ZNF544: variants seen among roughly 807,000 people sequenced by gnomAD.
ZNF544 encodes the protein zinc finger protein AF020591.
In ZNF544, 10 loss-of-function variants were observed where a neutral mutation model predicts 13.5. The observed-to-expected ratio is 0.74, with a 90% CI of 0.46 to 1.25. The LOEUF (loss-of-function observed/expected upper bound fraction) is 1.25. ZNF544 is among the 50% of genes most tolerant of loss of function. The pLI, the probability that ZNF544 is intolerant of heterozygous loss-of-function variation, is 0.00. For missense variants in ZNF544, 896 were observed against 845.6 expected (o/e 1.06, Z -0.74); for synonymous variants, 323 against 300.5 (o/e 1.07, Z -0.77).
chr19:58,230,550 G>A (rs80293960), intron 3 of ZNF544, 88 bp downstream of exon 3: 1,898 of 152,640 alleles, frequency 0.012, 11 homozygotes, highest in Non-Finnish European at 0.018. Context: ...GAAGGACAGG[G>A]TTAGAGAGCA....
At chr19:58,259,998 C>T (rs923940154) in intron 6 of ZNF544, among the ~76,000 whole-genome samples, 1 of 152,130 alleles carries the variant, frequency 6.6e-6, no homozygotes, top group African/African-American at 2.4e-5. Context: ...TTTGGGAGGC[C>T]AGTCGGGGAG....
chr19:58,228,966 G>A lies in ZNF544; in HGVS notation c.-232+20G>A, dbSNP rs569749935. The stretch of plus-strand genomic sequence containing the variant: ...GTGCAGGTGAGTCTGGCGGCCTCAA[G>A]GTTGGCTCGGAGGTTTCACTGTTAG... On this transcript the variant is annotated intron_variant, in intron 1 of 6. Transcript: ENST00000687789. 70 of 152,462 alleles carry A rather than the reference G, an allele frequency of 4.6e-4. No homozygotes were observed. Among genetic ancestry groups the A allele is most frequent in the African/African-American group, 1.5e-3 (63 of 41,592 alleles). 9.4% of individuals were successfully genotyped at this position (152,462 alleles called of 1,614,324 possible).
chr19:58,259,634 C>T (rs1413125588), intron 6 of ZNF544: 1 of 152,282 alleles, frequency 6.6e-6, no homozygotes, highest in Non-Finnish European at 1.5e-5. Flanking sequence ...CTTCAGATAT[C>T]TTCTGCTGTG....
intron 3 of ZNF544, chr19:58,242,433 C>A: frequency 4.5e-6 from 1 of 222,636 alleles, no homozygotes; most frequent in Non-Finnish European, 7.5e-6. Context: ...AAAATGCCAG[C>A]GTTCAAACCT....
At chr19:58,258,494 A>G (rs1444684341) in intron 6 of ZNF544, 1 of 84,708 alleles carries the variant, frequency 1.2e-5, no homozygotes, top group African/African-American at 6.4e-5. Context: ...GTGCGAGGGC[A>G]CCAGGTGTGA....
intron 6 of ZNF544, chr19:58,259,540 TG>T (rs2048429440): frequency 6.6e-6 from 1 of 152,252 alleles, no homozygotes; most frequent in Non-Finnish European, 1.5e-5. Flanking sequence ...GGTGTTGATA[TG>T]GTTGTGCTCC....
rs182807626 is a variant in ZNF544, at chr19:58,245,181, C to A, written c.34-1120C>A. ...TTTCGAACTCCTGACCTCAAGTAAT[C>A]CACCCATCTCGGCCTCCCAAAGTGT... On this transcript the variant is annotated intron_variant, in intron 4 of 6. Transcript: ENST00000687789. Among the ~76,000 whole-genome samples the A allele has an allele frequency of 7.2e-3, 1,078 of 150,354 alleles. 4 individuals carry two copies. The highest frequency in any genetic ancestry group is 0.012 in the Non-Finnish European group (797 of 67,500).
intron 5 of ZNF544, among the ~76,000 whole-genome samples, chr19:58,275,309 C>G (rs1258853805): frequency 6.6e-6 from 1 of 152,010 alleles, no homozygotes; most frequent in East Asian, 1.9e-4. Flanking sequence ...ACCTGGACAC[C>G]AACTGGCACT....
chr19:58,231,543 C>T (rs2041223750), intron 3 of ZNF544, among the ~76,000 whole-genome samples: 1 of 152,002 alleles, frequency 6.6e-6, no homozygotes, highest in African/African-American at 2.4e-5. Context: ...ATCATAGGCC[C>T]CGGTGTGTTT....
rs994454430 is a variant in ZNF544 at position 58,260,096 on chromosome 19, A to G, written c.245-755A>G. Among the ~76,000 whole-genome samples, 4 of 152,296 alleles carry G rather than the reference A, an allele frequency of 2.6e-5. No individual in the cohort carries two copies. In the South Asian group the frequency reaches 8.3e-4, roughly 32 times the overall value. ...TTCAACAGAGCAAGATCCTGACTGT[A>G]GAAAACTAAGTAAATAATAATAATA... On this transcript the variant is annotated intron_variant, in intron 6 of 6. Transcript: ENST00000687789.
intron 6 of ZNF544, chr19:58,258,457 C>CTGGGTGT (rs2048100579): frequency 2.0e-5 from 1 of 50,274 alleles, no homozygotes; most frequent in African/African-American, 9.8e-5. Flanking sequence ...GTGCTGGGTG[C>CTGGGTGT]GAGGGCACCA....
At chr19:58,251,958 A>T (rs1455119476) in intron 6 of ZNF544, among the ~76,000 whole-genome samples, 1 of 152,206 alleles carries the variant, frequency 6.6e-6, no homozygotes, top group East Asian at 1.9e-4. Context: ...ATCACTTTGG[A>T]GGCTTTGAGG....
In ZNF544 at chr19:58,261,441, T is replaced by C; in HGVS notation, c.835T>C (p.Phe279Leu). The C allele has an allele frequency of 6.2e-7, 1 of 1,614,244 alleles. No individual in the cohort carries two copies. Among genetic ancestry groups the C allele is most frequent in the East Asian group, 2.2e-5 (1 of 44,892 alleles). The change falls in exon 7 of 7, where the codon TTC becomes CTC. Residue 279 changes from phenylalanine to leucine, a missense_variant. Phe to Leu is a conservative substitution (Grantham distance 22). Coordinates refer to ENST00000687789, the MANE Select transcript of ZNF544 (RefSeq NM_014480.4). ...SDDCKDYGNL[F>L]SHSVSLNEQK... ...TGACTGTAAGGATTATGGAAACCTC[T>C]TCAGTCACAGTGTGTCTCTGAATGA... is the stretch of plus-strand genomic sequence containing the variant.
At chr19:58,247,879 T>C (rs1223383030) in intron 6 of ZNF544, among the ~76,000 whole-genome samples, 1 of 152,136 alleles carries the variant, frequency 6.6e-6, no homozygotes, top group Non-Finnish European at 1.5e-5. Flanking sequence ...GGATTTGTAT[T>C]GTACATCTGT....
rs139474714 is a variant in ZNF544 at position 58,233,295 on chromosome 19, A to G, written c.-60+2833A>G. 6.6e-4 allele frequency among the ~76,000 whole-genome samples: 101 copies of G among 152,262 alleles called. 1 individual carries two copies. The highest frequency in any genetic ancestry group is 2.2e-3 in the African/African-American group (92 of 41,542). On this transcript the variant is annotated intron_variant, in intron 3 of 6. Coordinates refer to ENST00000687789, the MANE Select transcript of ZNF544 (RefSeq NM_014480.4). ...TATAGGTGGGGACACTGCCAACCAC[A>G]TCAGCCTCCAAAAGTGCTGGGATTA...
At chr19:58,245,744 A>G (rs1429556383) in intron 4 of ZNF544, 4 of 166,908 alleles carry the variant, frequency 2.4e-5, no homozygotes, top group Admixed American at 2.2e-4. Context: ...ACCCCGATTT[A>G]GAGTGTCTTT....
At chr19:58,270,737 TG>T (rs2050534684) in intron 5 of ZNF544, among the ~76,000 whole-genome samples, 1 of 152,300 alleles carries the variant, frequency 6.6e-6, no homozygotes, top group South Asian at 2.1e-4. Context: ...GGAGAGTAGA[TG>T]GGGAAAGTAG....
rs755356583 is a variant in ZNF544 at position 58,262,282 on chromosome 19, G to A, written c.1676G>A (p.Trp559Ter). ...QCIECGKSFR[W>*]NSNLVIHQRI... The stretch of plus-strand genomic sequence containing the variant: ...ATTGAATGTGGGAAATCCTTCAGAT[G>A]GAACTCTAACCTCGTCATACATCAG... The change falls in exon 7 of 7, where the codon TGG (tryptophan) becomes TAG (stop). Residue 559 changes from tryptophan (W) to a stop codon, truncating the protein, a stop_gained. Coordinates refer to ENST00000687789, the MANE Select transcript of ZNF544 (RefSeq NM_014480.4). LOFTEE classifies it low-confidence loss of function (END_TRUNC). The A allele has an allele frequency of 6.2e-7, 1 of 1,613,480 alleles. No homozygotes were observed. The highest frequency in any genetic ancestry group is 2.2e-5 in the East Asian group (1 of 44,842).
At chr19:58,236,878 A>C (rs2042517764) in intron 3 of ZNF544, among the ~76,000 whole-genome samples, 1 of 151,404 alleles carries the variant, frequency 6.6e-6, no homozygotes, top group African/African-American at 2.4e-5. Context: ...AGTAGCTGAG[A>C]CTACAGGTGC....
Sources: allele counts gnomAD v4.1 joint callset (sites outside exome capture counted in the v4.1 genomes callset), GRCh38; gene constraint gnomAD v4.1.1; transcripts MANE v1.5; gene names NCBI Gene and HGNC (gene_info 2026-07-23, HGNC 2026-07-21).